NHLRC2: variants seen among roughly 807,000 people sequenced by gnomAD.
NHLRC2 encodes the protein NHL repeat containing 2.
Under a neutral mutation model 68.1 loss-of-function variants are expected in NHLRC2, and 33 were observed. The observed-to-expected ratio is 0.48, with a 90% confidence interval of 0.37 to 0.65. NHLRC2 has a LOEUF of 0.65. Ranked by LOEUF, NHLRC2 falls within the 30% of genes least tolerant of loss-of-function variation. NHLRC2 has a pLI of 0.00. For missense variants in NHLRC2, 761 were observed against 853.8 expected (o/e 0.89, Z 1.35); for synonymous variants, 311 against 309.6 (o/e 1.00, Z -0.05).
rs1220808605 is a variant in NHLRC2 at position 113,909,985 on chromosome 10, G to A, written c.*1449G>A. 6.6e-6 allele frequency: 1 copy of A among 152,084 alleles called. No individual in the cohort carries two copies. The highest frequency in any genetic ancestry group is 1.5e-5 in the Non-Finnish European group (1 of 68,000). 9.4% of individuals were successfully genotyped at this position (152,084 alleles called of 1,614,324 possible). On this transcript the variant is annotated 3_prime_UTR_variant, in exon 11 of 11. Transcript: ENST00000369301. ...TATTCATAAGGTTAGCTGAATCTCT[G>A]AAGTAAGGATGTATAAATCATGACA... is the stretch of plus-strand genomic sequence containing the variant.
At chr10:113,897,609 C>T (rs1846188043) in intron 5 of NHLRC2, among the ~76,000 whole-genome samples, 1 of 152,162 alleles carries the variant, frequency 6.6e-6, no homozygotes, top group Non-Finnish European at 1.5e-5. Flanking sequence ...GTTTCCTGTT[C>T]ATTTTCGTAG....
intron 6 of NHLRC2, among the ~76,000 whole-genome samples, 154 bp downstream of exon 6, chr10:113,898,363 C>A (rs901759694): frequency 6.6e-6 from 1 of 152,184 alleles, no homozygotes; most frequent in Admixed American, 6.5e-5. Context: ...TAAAACAAGG[C>A]GTGTTTATTG....
At position 113,855,045 on chromosome 10, in the gene NHLRC2, C is replaced by T; in HGVS notation, c.173C>T (p.Pro58Leu). Residue 58 changes from proline (P) to leucine (L), a missense_variant, in exon 1 of 11, where the codon CCG (proline) becomes CTG (leucine). By Grantham distance (98) the Pro-to-Leu change is moderately conservative. Transcript: ENST00000369301. ...WEQDLSVPEF[P>L]EGLEWLNTEE... ...CAGGACTTGTCAGTACCCGAGTTTC[C>T]GGAAGGTGAGGGGCTGGCGTCGGGG... The T allele has an allele frequency of 6.4e-7, 1 of 1,551,898 alleles. No individual in the cohort carries two copies. The highest frequency in any genetic ancestry group is 8.7e-7 in the Non-Finnish European group (1 of 1,147,088).
intron 5 of NHLRC2, among the ~76,000 whole-genome samples, chr10:113,889,960 C>G (rs1846116902): frequency 6.6e-6 from 1 of 152,184 alleles, no homozygotes; most frequent in Non-Finnish European, 1.5e-5. Context: ...GAAGGTATTT[C>G]TAGTTTTCAG....
At chr10:113,862,240 G>A (rs1845822599) in intron 2 of NHLRC2, among the ~76,000 whole-genome samples, 2 of 152,018 alleles carry the variant, frequency 1.3e-5, no homozygotes, top group Non-Finnish European at 2.9e-5. Flanking sequence ...TATATTTGGA[G>A]ATATAATGTA....
chr10:113,889,559 A>AT (rs1273995304), intron 5 of NHLRC2, among the ~76,000 whole-genome samples: 4 of 151,974 alleles, frequency 2.6e-5, no homozygotes, highest in East Asian at 1.9e-4. Context: ...CTTGGTGTTG[A>AT]TTTTTTTTAG....
chr10:113,899,513 C>T (rs1232206102), intron 6 of NHLRC2, among the ~76,000 whole-genome samples: 1 of 151,992 alleles, frequency 6.6e-6, no homozygotes, highest in Non-Finnish European at 1.5e-5. Context: ...GAAATATGCT[C>T]ACTATGTTAA....
At chr10:113,864,160 TACAC>T (rs1363569354) in intron 2 of NHLRC2, among the ~76,000 whole-genome samples, 2 of 152,196 alleles carry the variant, frequency 1.3e-5, no homozygotes, top group African/African-American at 4.8e-5. Flanking sequence ...TAATTTCACT[TACAC>T]AGGGTACTTA....
Position 113,901,827 on chromosome 10 carries a change from G to A in NHLRC2, c.1301G>A (p.Ser434Asn). 1 of 1,614,140 alleles carries A rather than the reference G, an allele frequency of 6.2e-7. No individual in the cohort carries two copies. The highest frequency in any genetic ancestry group is 8.5e-7 in the Non-Finnish European group (1 of 1,180,000). The change falls in exon 7 of 11, where the codon AGT becomes AAT. Residue 434 changes from serine (S) to asparagine (N), a missense_variant. Ser to Asn is a conservative substitution (Grantham distance 46). Transcript: ENST00000369301. ...SCLFVADSES[S>N]TVRTVSLKDG... Reference sequence around the variant, plus strand: ...TTGTTTGTAGCAGATAGTGAGAGCAGTACAGTGAGAACCGTTTCACTGAAA... The same window carrying A: ...TTGTTTGTAGCAGATAGTGAGAGCAATACAGTGAGAACCGTTTCACTGAAA...
intron 2 of NHLRC2, among the ~76,000 whole-genome samples, chr10:113,871,015 C>CTTTTTTT (rs1169108158): frequency 3.0e-5 from 2 of 65,724 alleles, no homozygotes; most frequent in African/African-American, 1.3e-4. Flanking sequence ...CTTCCTGCAT[C>CTTTTTTT]TTTTTTTTTT....
chr10:113,903,831 C>T, intron 9 of NHLRC2, 95 bp downstream of exon 9: 2 of 747,362 alleles, frequency 2.7e-6, no homozygotes, highest in South Asian at 3.0e-5. Flanking sequence ...GTTAGACCAT[C>T]TCCAGGAGAG....
At chr10:113,872,401 A>G (rs532159836) in intron 2 of NHLRC2, among the ~76,000 whole-genome samples, 1 of 152,184 alleles carries the variant, frequency 6.6e-6, no homozygotes, top group Non-Finnish European at 1.5e-5. Context: ...AGGAATAGAA[A>G]AAAGCAGATC....
chr10:113,882,293 A>C (rs1846042025), intron 4 of NHLRC2, among the ~76,000 whole-genome samples: 1 of 151,750 alleles, frequency 6.6e-6, no homozygotes. Context: ...TTCCATAGCA[A>C]TTGCACCATC....
intron 5 of NHLRC2, among the ~76,000 whole-genome samples, chr10:113,895,560 G>A (rs1846168748): frequency 6.6e-6 from 1 of 152,064 alleles, no homozygotes; most frequent in Admixed American, 6.6e-5. Context: ...GATGAGAAAG[G>A]AGGGAGCACA....
At position 113,917,169 on chromosome 10, in the gene NHLRC2, A is replaced by G. The variant is rs1258210812; in HGVS notation, c.*8633A>G. The G allele has an allele frequency of 6.6e-6, 1 of 152,186 alleles. No homozygotes were observed. Among genetic ancestry groups the G allele is most frequent in the Non-Finnish European group, 1.5e-5 (1 of 68,018 alleles). 9.4% of individuals were successfully genotyped at this position (152,186 alleles called of 1,614,324 possible). A position where few individuals can be genotyped will look rare whatever the true frequency, so the allele number is the denominator to read the frequency against. On this transcript the variant is annotated 3_prime_UTR_variant, in exon 11 of 11. Coordinates refer to ENST00000369301, the MANE Select transcript of NHLRC2 (RefSeq NM_198514.4). ...AAGCTTTGTACATTTTTTTCGTGAA[A>G]TAGATTAAATATTTTCTCTCTAAAA...
chr10:113,875,731 T>TA (rs971421983), intron 2 of NHLRC2, among the ~76,000 whole-genome samples: 1 of 152,164 alleles, frequency 6.6e-6, no homozygotes, highest in African/African-American at 2.4e-5. Flanking sequence ...TTGATAGTTA[T>TA]AATAGAAGCA....
At chr10:113,871,239 G>A (rs1002543760) in intron 2 of NHLRC2, among the ~76,000 whole-genome samples, 12 of 152,012 alleles carry the variant, frequency 7.9e-5, no homozygotes, top group Non-Finnish European at 1.3e-4. Flanking sequence ...GGTCAGGCTG[G>A]TCTTGGCCTC....
In NHLRC2 at chr10:113,864,801, C is replaced by T. The variant is rs565007917; in HGVS notation, c.331+6121C>T. 6.6e-5 allele frequency among the ~76,000 whole-genome samples: 10 copies of T among 151,986 alleles called. 1 individual carries two copies. Among genetic ancestry groups the T allele is most frequent in the African/African-American group, 2.4e-4 (10 of 41,478 alleles). On this transcript the variant is annotated intron_variant, in intron 2 of 10. Coordinates refer to ENST00000369301, the MANE Select transcript of NHLRC2 (RefSeq NM_198514.4). Reference sequence around the variant, plus strand: ...TGTGCACCACTGGGAGGGTTACACTCAGTGGTTTGTTGGAGCTGGCTCCTG... The same window carrying T: ...TGTGCACCACTGGGAGGGTTACACTTAGTGGTTTGTTGGAGCTGGCTCCTG...
rs1845782252 is a variant in NHLRC2, at chr10:113,858,448, AG to A, written c.179-78del. 4.3e-6 allele frequency: 4 copies of A among 938,112 alleles called. No individual in the cohort carries two copies. In the African/African-American group the frequency reaches 6.7e-5, roughly 16 times the overall value. The allele number at this position is 938,112 out of a possible 1,614,324, so 58.1% of individuals were successfully genotyped here. A position where few individuals can be genotyped will look rare whatever the true frequency, so the allele number is the denominator to read the frequency against. ...TTATTTGCATTAGTCTTAAAAAAAA[AG>A]GTCACATTTTAATGGAAAGTTTTAG... On this transcript the variant is annotated intron_variant, in intron 1 of 10. Coordinates refer to ENST00000369301, the MANE Select transcript of NHLRC2 (RefSeq NM_198514.4).
Sources: gnomAD v4.1 joint callset for allele counts (sites outside exome capture counted in the v4.1 genomes callset) on GRCh38, gnomAD v4.1.1 for gene constraint, MANE v1.5 for transcripts, NCBI Gene and HGNC (gene_info 2026-07-23, HGNC 2026-07-21) for gene names.